The following GLIS3 variants were observed in gnomAD, a reference collection of about 807,000 sequenced individuals.
The protein encoded by GLIS3 is GLIS family zinc finger 3, also known as zinc finger protein GLIS3.
A neutral mutation model predicts 78.6 loss-of-function variants in GLIS3; 53 were observed. The observed-to-expected ratio is 0.67, with a 90% CI of 0.54 to 0.85. GLIS3 has a LOEUF of 0.85. Ranked by LOEUF, GLIS3 falls within the 40% of genes least tolerant of loss-of-function variation. GLIS3 has a pLI of 0.00. For missense variants in GLIS3, 1,703 were observed against 1,231.1 expected (o/e 1.38, Z -5.74); for synonymous variants, 684 against 509.9 (o/e 1.34, Z -4.60).
chr9:4,278,118 C>A (rs182913057), intron 2 of GLIS3, among the ~76,000 whole-genome samples: 3 of 152,192 alleles, frequency 2.0e-5, no homozygotes, highest in Non-Finnish European at 2.9e-5. Flanking sequence ...AAAAAATACA[C>A]TGATGTTGCT....
intron 4 of GLIS3, among the ~76,000 whole-genome samples, chr9:4,089,973 C>A (rs973357298): frequency 3.9e-5 from 6 of 152,222 alleles, no homozygotes; most frequent in African/African-American, 1.2e-4. Flanking sequence ...GCCATGCCCA[C>A]GGCAGAGGGG....
intron 4 of GLIS3, among the ~76,000 whole-genome samples, chr9:4,009,876 C>T (rs1194454946): frequency 1.3e-5 from 2 of 152,156 alleles, no homozygotes; most frequent in South Asian, 2.1e-4. Context: ...CTGGCCGCCC[C>T]GGTCATAGGA....
At chr9:4,235,483 T>C (rs1440841879) in intron 2 of GLIS3, among the ~76,000 whole-genome samples, 2 of 152,202 alleles carry the variant, frequency 1.3e-5, no homozygotes, top group Non-Finnish European at 2.9e-5. Flanking sequence ...GCTGGAATTA[T>C]GTTCAGAAGG....
intron 2 of GLIS3, among the ~76,000 whole-genome samples, chr9:4,317,498 T>C (rs1264462021): frequency 2.6e-5 from 4 of 152,214 alleles, no homozygotes; most frequent in Admixed American, 2.6e-4. Flanking sequence ...TTTAAAAATA[T>C]CAGTCTAAAG....
the GLIS3 span, among the ~76,000 whole-genome samples, chr9:4,397,016 C>CTTTTTTTCTTTTTTTTTTTTT: frequency 7.5e-6 from 1 of 133,358 alleles, no homozygotes; most frequent in Non-Finnish European, 1.6e-5. Context: ...ATCCTTTTTT[C>CTTTTTTTCTTTTTTTTTTTTT]TTTTTTTCTT....
chr9:4,331,930 G>A (rs1817692011), intron 2 of GLIS3, among the ~76,000 whole-genome samples: 1 of 152,182 alleles, frequency 6.6e-6, no homozygotes, highest in Admixed American at 6.5e-5. Flanking sequence ...ACTGGTACAA[G>A]GGGTGGAATG....
chr9:4,387,778 A>C, the GLIS3 span, among the ~76,000 whole-genome samples: 5 of 152,260 alleles, frequency 3.3e-5, no homozygotes, highest in Non-Finnish European at 5.9e-5. Context: ...CAGCAGCTGT[A>C]CAGGTACTTT....
chr9:3,888,213 A>T (rs909020055), intron 7 of GLIS3, among the ~76,000 whole-genome samples: 2 of 152,120 alleles, frequency 1.3e-5, no homozygotes, highest in African/African-American at 4.8e-5. Flanking sequence ...TTTTGGAAAT[A>T]AAAGTTTTAC....
At chr9:3,908,152 C>G (rs964047124) in intron 6 of GLIS3, among the ~76,000 whole-genome samples, 13 of 152,170 alleles carry the variant, frequency 8.5e-5, no homozygotes, top group Admixed American at 6.5e-4. Flanking sequence ...GTGTCCAAAC[C>G]TCCATCTTAT....
chr9:3,997,824 T>G (rs1820854900), intron 4 of GLIS3, among the ~76,000 whole-genome samples: 1 of 152,008 alleles, frequency 6.6e-6, no homozygotes, highest in African/African-American at 2.4e-5. Context: ...GCATTTCTAT[T>G]CAGCATCACC....
chr9:4,402,232 T>C, the GLIS3 span, among the ~76,000 whole-genome samples: 1 of 152,132 alleles, frequency 6.6e-6, no homozygotes, highest in Non-Finnish European at 1.5e-5. Flanking sequence ...CTCCAGAAAA[T>C]TCTTCCAAAT....
chr9:4,045,586 C>A (rs541262382), intron 4 of GLIS3, among the ~76,000 whole-genome samples: 5 of 151,860 alleles, frequency 3.3e-5, no homozygotes, highest in Admixed American at 6.6e-5. Flanking sequence ...ATCCTCCCAC[C>A]TCAGCCTCCC....
At chr9:3,989,139 T>C (rs566764911) in intron 4 of GLIS3, among the ~76,000 whole-genome samples, 1 of 152,206 alleles carries the variant, frequency 6.6e-6, no homozygotes, top group South Asian at 2.1e-4. Context: ...AATAAGCATA[T>C]GAGAAGATGT....
intron 4 of GLIS3, among the ~76,000 whole-genome samples, chr9:4,049,930 T>C (rs1825589267): frequency 6.6e-6 from 1 of 151,962 alleles, no homozygotes; most frequent in South Asian, 2.1e-4. Context: ...ATGGTGATCA[T>C]TAAAAAGTCA....
the GLIS3 span, among the ~76,000 whole-genome samples, chr9:4,448,763 G>A: frequency 2.0e-5 from 3 of 152,192 alleles, no homozygotes; most frequent in African/African-American, 7.2e-5. Flanking sequence ...GAAGTTTCCA[G>A]TAGCCTGGAA....
intron 4 of GLIS3, among the ~76,000 whole-genome samples, chr9:4,116,540 C>G (rs773889275): frequency 3.3e-5 from 5 of 152,186 alleles, no homozygotes; most frequent in African/African-American, 1.2e-4. Context: ...AAAATACCTA[C>G]CGGGCAGTGA....
intron 2 of GLIS3, among the ~76,000 whole-genome samples, chr9:4,211,248 T>A (rs985085113): frequency 2.0e-5 from 3 of 152,232 alleles, no homozygotes; most frequent in Non-Finnish European, 4.4e-5. Context: ...ACTCCATTTG[T>A]TTATGTAAGT....
At chr9:3,936,926 C>T in intron 5 of GLIS3, 102 bp downstream of exon 5, 1 of 1,507,752 alleles carries the variant, frequency 6.6e-7, no homozygotes, top group Non-Finnish European at 9.2e-7. Context: ...GTCCCTGTAA[C>T]CTGCAGACCA....
chr9:4,160,475 G>A (rs12349013), intron 2 of GLIS3, among the ~76,000 whole-genome samples: 1 of 152,242 alleles, frequency 6.6e-6, no homozygotes, highest in African/African-American at 2.4e-5. Flanking sequence ...GCCTGGCATA[G>A]CTTGAACCAC....
Sources: allele counts gnomAD v4.1 joint callset (sites outside exome capture counted in the v4.1 genomes callset), GRCh38; gene constraint gnomAD v4.1.1; transcripts MANE v1.5; gene names NCBI Gene and HGNC (gene_info 2026-07-23, HGNC 2026-07-21).